MGAT4C: variants seen among roughly 807,000 people sequenced by gnomAD.
The protein encoded by MGAT4C is MGAT4 family member C.
In MGAT4C, 19 loss-of-function variants were observed where a neutral mutation model predicts 40.1. That is an observed-to-expected ratio of 0.47 (90% confidence interval 0.33 to 0.70). The LOEUF (loss-of-function observed/expected upper bound fraction) is 0.70. Ranked by LOEUF, MGAT4C falls within the 30% of genes least tolerant of loss-of-function variation. The pLI is 0.02. For synonymous variants in MGAT4C, 181 were observed against 187.1 expected, an observed-to-expected ratio of 0.97 and a Z score of 0.27; for missense variants, 491 against 563.2, an observed-to-expected ratio of 0.87 and a Z score of 1.30.
chr12:86,605,546 C>T (rs1179989643), intron 2 of MGAT4C, among the ~76,000 whole-genome samples: 1 of 152,100 alleles, frequency 6.6e-6, no homozygotes, highest in African/African-American at 2.4e-5. Context: ...ATAACTAACT[C>T]TCGATTTTCC....
intron 1 of MGAT4C, among the ~76,000 whole-genome samples, chr12:86,056,937 T>C (rs925350572): frequency 8.9e-6 from 1 of 112,088 alleles, no homozygotes; most frequent in African/African-American, 3.0e-5. Context: ...TTTAAAGTGA[T>C]AATATAAAAA....
intron 2 of MGAT4C, among the ~76,000 whole-genome samples, chr12:86,604,496 G>T (rs1223957675): frequency 6.6e-6 from 1 of 152,004 alleles, no homozygotes; most frequent in Non-Finnish European, 1.5e-5. Flanking sequence ...CCTTATGGCT[G>T]TTTTCAGGCA....
chr12:86,510,783 A>G (rs1958564563), intron 2 of MGAT4C, among the ~76,000 whole-genome samples: 1 of 152,222 alleles, frequency 6.6e-6, no homozygotes, highest in South Asian at 2.1e-4. Flanking sequence ...TTCAACAAGA[A>G]GAGCTAACTA....
chr12:86,163,920 T>G (rs1303527761), intron 1 of MGAT4C, among the ~76,000 whole-genome samples: 4 of 152,200 alleles, frequency 2.6e-5, no homozygotes, highest in African/African-American at 9.6e-5. Context: ...AAGACATATA[T>G]GCACATAAAG....
At chr12:86,714,888 G>C (rs1371369352) in intron 2 of MGAT4C, among the ~76,000 whole-genome samples, 2 of 151,912 alleles carry the variant, frequency 1.3e-5, no homozygotes, top group African/African-American at 4.8e-5. Context: ...TATTTAAGAA[G>C]ATATTAAAAC....
At chr12:86,733,015 C>G (rs1156805724) in intron 1 of MGAT4C, among the ~76,000 whole-genome samples, 2 of 151,912 alleles carry the variant, frequency 1.3e-5, no homozygotes, top group Non-Finnish European at 2.9e-5. Flanking sequence ...TTAATAAAAG[C>G]TATATTACTG....
chr12:86,223,171 A>T (rs1950947060), intron 1 of MGAT4C, among the ~76,000 whole-genome samples: 1 of 152,188 alleles, frequency 6.6e-6, no homozygotes, highest in Non-Finnish European at 1.5e-5. Context: ...GAAACTGGGA[A>T]CTTCCATGAA....
intron 1 of MGAT4C, among the ~76,000 whole-genome samples, chr12:86,830,243 C>G (rs773472611): frequency 6.6e-6 from 1 of 151,542 alleles, no homozygotes; most frequent in African/African-American, 2.4e-5. Flanking sequence ...CCATCCATCT[C>G]TCTCTGTGGT....
chr12:86,301,019 G>T (rs1349784595), intron 4 of MGAT4C, among the ~76,000 whole-genome samples: 1 of 152,144 alleles, frequency 6.6e-6, no homozygotes, highest in East Asian at 1.9e-4. Flanking sequence ...ATTCAATCTC[G>T]TGGGAGCAGA....
intron 4 of MGAT4C, among the ~76,000 whole-genome samples, chr12:86,263,512 A>AT (rs1220773507): frequency 5.3e-5 from 8 of 152,022 alleles, no homozygotes; most frequent in Non-Finnish European, 7.4e-5. Flanking sequence ...ATAATTTCAT[A>AT]TTTTTTTGGC....
At chr12:86,296,409 T>G (rs756156154) in intron 4 of MGAT4C, among the ~76,000 whole-genome samples, 20 of 45,032 alleles carry the variant, frequency 4.4e-4, no homozygotes, top group Non-Finnish European at 1.1e-3. Flanking sequence ...CTCGCACTCC[T>G]CAGCCCTTGG....
rs565346913 is a variant in MGAT4C, at chr12:86,566,121, G to A, written c.-228-130856C>T. Among the ~76,000 whole-genome samples the A allele has an allele frequency of 5.9e-5, 9 of 152,178 alleles. No individual in the cohort carries two copies. In the East Asian group the frequency reaches 1.5e-3, roughly 26 times the overall value. ...CCTCACCTGAATAGACAGTTACTTCGGATTTGGGTTTGTCTATTGTGATGG... is the reference window on the plus strand; with the variant it reads ...CCTCACCTGAATAGACAGTTACTTCAGATTTGGGTTTGTCTATTGTGATGG... On this transcript the variant is annotated intron_variant, in intron 2 of 7. Coordinates refer to the MGAT4C transcript ENST00000548651.
intron 2 of MGAT4C, among the ~76,000 whole-genome samples, chr12:86,549,823 G>C (rs573830641): frequency 6.6e-6 from 1 of 152,274 alleles, no homozygotes; most frequent in East Asian, 1.9e-4. Context: ...AGGACATATG[G>C]AGACACCCAG....
chr12:86,597,125 T>C (rs1448567115), intron 2 of MGAT4C, among the ~76,000 whole-genome samples: 1 of 152,208 alleles, frequency 6.6e-6, no homozygotes, highest in Admixed American at 6.5e-5. Context: ...TTCTAATCTA[T>C]ACAGTGGACA....
intron 1 of MGAT4C, among the ~76,000 whole-genome samples, chr12:86,771,846 T>C (rs1421877797): frequency 6.6e-6 from 1 of 152,090 alleles, no homozygotes. Context: ...ATGCAAAGTT[T>C]AGCCAAATTG....
chr12:86,011,775 T>C (rs1314301526), intron 2 of MGAT4C: 1 of 926,016 alleles, frequency 1.1e-6, no homozygotes, highest in Non-Finnish European at 1.3e-6. Flanking sequence ...AAACACTATA[T>C]TGAACATGGC....
intron 2 of MGAT4C, among the ~76,000 whole-genome samples, chr12:86,545,502 A>G (rs772666892): frequency 1.3e-5 from 2 of 151,842 alleles, no homozygotes; most frequent in Non-Finnish European, 2.9e-5. Flanking sequence ...TTGATATTAC[A>G]TCTCGTTGCC....
At chr12:86,684,560 G>C (rs4272848) in intron 2 of MGAT4C, among the ~76,000 whole-genome samples, 132,464 of 152,170 alleles carry the variant, frequency 0.87, 58,459 homozygotes, top group Middle Eastern at 0.95. Context: ...AATGGGATTG[G>C]TATGTCAAAT....
chr12:86,514,356 A>G (rs1160510787), intron 2 of MGAT4C, among the ~76,000 whole-genome samples: 1 of 152,170 alleles, frequency 6.6e-6, no homozygotes, highest in African/African-American at 2.4e-5. Flanking sequence ...AATGCCATGA[A>G]CTACGTGGCT....
Sources: allele counts gnomAD v4.1 joint callset (sites outside exome capture counted in the v4.1 genomes callset), GRCh38; gene constraint gnomAD v4.1.1; transcripts MANE v1.5; gene names NCBI Gene and HGNC (gene_info 2026-07-23, HGNC 2026-07-21).